The following SERPIND1 variants were observed in gnomAD, a reference collection of about 807,000 sequenced individuals.
SERPIND1 encodes the protein serpin family D member 1.
Under a neutral mutation model 35.0 loss-of-function variants are expected in SERPIND1, and 34 were observed. The ratio of observed to expected loss-of-function variants is 0.97; its 90% confidence interval spans 0.74 to 1.29. The LOEUF (loss-of-function observed/expected upper bound fraction) is 1.29. SERPIND1 is among the 50% of genes most tolerant of loss of function. SERPIND1 has a pLI of 0.00. For synonymous variants in SERPIND1, 236 were observed against 241.1 expected, an observed-to-expected ratio of 0.98 and a Z score of 0.19; for missense variants, 633 against 637.7, an observed-to-expected ratio of 0.99 and a Z score of 0.08.
chr22:20,786,403 C>T (rs1934228504), intron 4 of SERPIND1, among the ~76,000 whole-genome samples: 1 of 152,214 alleles, frequency 6.6e-6, no homozygotes, highest in Non-Finnish European at 1.5e-5. Context: ...CTCCCGCTGA[C>T]ACCAGAGACA....
At chr22:20,776,167 CA>C (rs1170653580) in intron 1 of SERPIND1, among the ~76,000 whole-genome samples, 2 of 152,076 alleles carry the variant, frequency 1.3e-5, no homozygotes, top group Admixed American at 6.6e-5. Flanking sequence ...ACCAAAAACA[CA>C]AAAAATTAAC....
At chr22:20,781,283 C>T (rs1455735977) in intron 2 of SERPIND1, among the ~76,000 whole-genome samples, 1 of 152,216 alleles carries the variant, frequency 6.6e-6, no homozygotes, top group Non-Finnish European at 1.5e-5. Context: ...CTACTTTACT[C>T]TCTAAGCTGA....
At position 20,787,645 on chromosome 22, in the gene SERPIND1, C is replaced by T. The variant is rs577017763; in HGVS notation, c.*579C>T. 1.2e-5 allele frequency: 2 copies of T among 167,348 alleles called. No individual in the cohort carries two copies. Among genetic ancestry groups the T allele is most frequent in the Non-Finnish European group, 2.6e-5 (2 of 75,756 alleles). The allele number at this position is 167,348 out of a possible 1,614,324, so 10.4% of individuals were successfully genotyped here. On this transcript the variant is annotated 3_prime_UTR_variant, in exon 5 of 5. Transcript: ENST00000215727. ...TGCCATCAGTCCCTCCTGCTGTTGC[C>T]TCCCTGTGACCTGGAGGACAGTGTG...
rs1484827617 is a variant in SERPIND1, at chr22:20,787,249, A to G, written c.*183A>G. 4 of 642,580 alleles carry G rather than the reference A, an allele frequency of 6.2e-6. No homozygotes were observed. The African/African-American group carries it at 7.3e-5, about 12-fold the overall frequency. The allele number at this position is 642,580 out of a possible 1,614,324, so 39.8% of individuals were successfully genotyped here. A position where few individuals can be genotyped will look rare whatever the true frequency, so the allele number is the denominator to read the frequency against. On this transcript the variant is annotated 3_prime_UTR_variant, in exon 5 of 5. Coordinates refer to ENST00000215727, the MANE Select transcript of SERPIND1 (RefSeq NM_000185.4). ...AGAGGCTTGTTGGAATCAATTCTGC[A>G]CAATAGCCCATGCTGTAAGCTCATA...
chr22:20,779,661 T>C lies in SERPIND1; in HGVS notation c.349T>C (p.Phe117Leu), dbSNP rs1156256012. Reference sequence around the variant, plus strand: ...GAGTGCTGGGAACATCCTCCAGCTTTTTCATGGCAAGAGCCGGATCCAGCG... The same window carrying C: ...GAGTGCTGGGAACATCCTCCAGCTTCTTCATGGCAAGAGCCGGATCCAGCG... ...DVSAGNILQL[F>L]HGKSRIQRLN... is the part of the protein sequence containing the mutation. The change falls in exon 2 of 5, where the codon TTT becomes CTT. Residue 117 changes from phenylalanine to leucine, a missense_variant. Coordinates refer to ENST00000215727, the MANE Select transcript of SERPIND1 (RefSeq NM_000185.4). The C allele has an allele frequency of 1.2e-6, 2 of 1,614,052 alleles. No individual in the cohort carries two copies. The highest frequency in any genetic ancestry group is 1.3e-5 in the African/African-American group (1 of 75,062).
chr22:20,774,292 G>T (rs1462473145), intron 1 of SERPIND1, 147 bp downstream of exon 1: 2 of 152,192 alleles, frequency 1.3e-5, no homozygotes, highest in African/African-American at 4.8e-5. Context: ...TTTTCAGTGT[G>T]CCTATTATAA....
At chr22:20,776,006 T>C (rs1933241859) in intron 1 of SERPIND1, among the ~76,000 whole-genome samples, 1 of 152,154 alleles carries the variant, frequency 6.6e-6, no homozygotes. Flanking sequence ...CCCAGTTCTA[T>C]TTGCAGCTAC....
rs970082911 is a variant in SERPIND1 at position 20,781,334 on chromosome 22, G to A, written c.889+1133G>A. 2.0e-5 allele frequency among the ~76,000 whole-genome samples: 3 copies of A among 152,204 alleles called. 1 individual carries two copies. On this transcript the variant is annotated intron_variant, in intron 2 of 4. Coordinates refer to ENST00000215727, the MANE Select transcript of SERPIND1 (RefSeq NM_000185.4). ...AACACGAGGAATGGTTCGGCTTCAG[G>A]ACTAATTGCGGTGACACACAACCAC...
intron 4 of SERPIND1, among the ~76,000 whole-genome samples, chr22:20,786,455 C>A (rs530662871): frequency 6.6e-6 from 1 of 152,292 alleles, no homozygotes; most frequent in South Asian, 2.1e-4. Flanking sequence ...CTACCCCCAG[C>A]CAAATCATGA....
chr22:20,786,430 C>T (rs1011902209), intron 4 of SERPIND1, among the ~76,000 whole-genome samples: 6 of 152,178 alleles, frequency 3.9e-5, no homozygotes, highest in East Asian at 1.9e-4. Flanking sequence ...ACATGTGCTG[C>T]GGTCTGGGAA....
At position 20,779,549 on chromosome 22, in the gene SERPIND1, T is replaced by C. The variant is rs1933586382; in HGVS notation, c.237T>C (p.Tyr79=). The C allele has an allele frequency of 6.2e-7, 1 of 1,614,126 alleles. No individual in the cohort carries two copies. Among genetic ancestry groups the C allele is most frequent in the South Asian group, 1.1e-5 (1 of 91,088 alleles). The change falls in exon 2 of 5, where the codon TAT becomes TAC. Residue 79 remains tyrosine (Y), a synonymous_variant. Coordinates refer to ENST00000215727, the MANE Select transcript of SERPIND1 (RefSeq NM_000185.4). ...CAGAGGGGGAGGAGGACGACGACTA[T>C]CTGGACCTGGAGAAGATATTCAGTG... ...WIPEGEEDDD[Y]LDLEKIFSED...
At position 20,779,466 on chromosome 22, in the gene SERPIND1, A is replaced by G; in HGVS notation, c.154A>G (p.Met52Val). The G allele has an allele frequency of 3.1e-6, 5 of 1,614,188 alleles. No individual in the cohort carries two copies. The highest frequency in any genetic ancestry group is 4.2e-6 in the Non-Finnish European group (5 of 1,180,020). ...WEQLNNKNLS[M>V]PLLPADFHKE... ...GCAGTTAAATAACAAAAACCTGAGC[A>G]TGCCTCTTCTCCCTGCCGACTTCCA... Residue 52 changes from methionine to valine, a missense_variant, in exon 2 of 5, where the codon ATG (methionine) becomes GTG (valine). Met to Val is a conservative substitution (Grantham distance 21). Coordinates refer to ENST00000215727, the MANE Select transcript of SERPIND1 (RefSeq NM_000185.4).
intron 1 of SERPIND1, among the ~76,000 whole-genome samples, chr22:20,778,994 A>G (rs1260264076): frequency 6.6e-6 from 1 of 152,186 alleles, no homozygotes; most frequent in Non-Finnish European, 1.5e-5. Flanking sequence ...GGAGAAAAAC[A>G]AACTCCTCCC....
At chr22:20,777,976 C>T (rs1420588167) in intron 1 of SERPIND1, among the ~76,000 whole-genome samples, 1 of 152,172 alleles carries the variant, frequency 6.6e-6, no homozygotes, top group East Asian at 1.9e-4. Flanking sequence ...TAAGAGCTTG[C>T]TGACATCACC....
chr22:20,778,400 A>C (rs985900215), intron 1 of SERPIND1, among the ~76,000 whole-genome samples: 2 of 152,132 alleles, frequency 1.3e-5, no homozygotes, highest in Non-Finnish European at 2.9e-5. Flanking sequence ...GCTACTTGGG[A>C]GGCTGAGGCA....
chr22:20,785,613 T>A (rs1934155160), intron 3 of SERPIND1, among the ~76,000 whole-genome samples: 1 of 152,104 alleles, frequency 6.6e-6, no homozygotes, highest in Non-Finnish European at 1.5e-5. Context: ...AGGTTCTTTT[T>A]AAAAGTACAC....
rs376530803 is a variant in SERPIND1, at chr22:20,787,214, G to A, written c.*148G>A. 34 of 732,942 alleles carry A rather than the reference G, an allele frequency of 4.6e-5. No individual in the cohort carries two copies. The African/African-American group carries it at 4.9e-4, about 11-fold the overall frequency. 45.4% of individuals were successfully genotyped at this position (732,942 alleles called of 1,614,324 possible). A position where few individuals can be genotyped will look rare whatever the true frequency, so the allele number is the denominator to read the frequency against. On this transcript the variant is annotated 3_prime_UTR_variant, in exon 5 of 5. Transcript: ENST00000215727. ...GCCCATATGAGAGGAGCTTAGAAAC[G>A]ACCAAGAAGAGAGGCTTGTTGGAAT... is the stretch of plus-strand genomic sequence containing the variant.
In SERPIND1 at chr22:20,780,064, C is replaced by T; in HGVS notation, c.752C>T (p.Ala251Val). ...REYYFAEAQI[A>V]DFSDPAFISK... ...TATTACTTTGCTGAGGCCCAGATAG[C>T]TGACTTCTCAGACCCTGCCTTCATA... The change falls in exon 2 of 5, where the codon GCT becomes GTT. Residue 251 changes from alanine to valine, a missense_variant. Coordinates refer to ENST00000215727, the MANE Select transcript of SERPIND1 (RefSeq NM_000185.4). 1.2e-6 allele frequency: 2 copies of T among 1,614,174 alleles called. No homozygotes were observed. Among genetic ancestry groups the T allele is most frequent in the East Asian group, 4.5e-5 (2 of 44,882 alleles).
At chr22:20,785,485 C>T (rs1934146797) in intron 3 of SERPIND1, among the ~76,000 whole-genome samples, 4 of 152,326 alleles carry the variant, frequency 2.6e-5, no homozygotes, top group Admixed American at 2.0e-4. Flanking sequence ...ATCTCTTTAT[C>T]CCCTGCAAAG....
Sources: allele counts gnomAD v4.1 joint callset (sites outside exome capture counted in the v4.1 genomes callset), GRCh38; gene constraint gnomAD v4.1.1; transcripts MANE v1.5; gene names NCBI Gene and HGNC (gene_info 2026-07-23, HGNC 2026-07-21).